The following CRYBG3 variants were observed in gnomAD, a reference collection of about 807,000 sequenced individuals.
CRYBG3 encodes crystallin beta-gamma domain containing 3.
In CRYBG3, 127 loss-of-function variants were observed where a neutral mutation model predicts 244.2. The ratio of observed to expected loss-of-function variants is 0.52; its 90% confidence interval spans 0.45 to 0.60. The LOEUF is 0.60. Ranked by LOEUF, CRYBG3 falls within the 20% of genes least tolerant of loss-of-function variation. The pLI is 0.00. For synonymous variants in CRYBG3, 1,132 were observed against 1,195.8 expected, an observed-to-expected ratio of 0.95 and a Z score of 1.10; for missense variants, 3,325 against 3,442.5, an observed-to-expected ratio of 0.97 and a Z score of 0.85.
At chr3:97,879,244 G>C (rs1412430292) in intron 4 of CRYBG3, among the ~76,000 whole-genome samples, 2 of 152,058 alleles carry the variant, frequency 1.3e-5, no homozygotes, top group Non-Finnish European at 2.9e-5. Context: ...CCCCAGGATG[G>C]TTCTCTTCCT....
rs374434701 is a variant in CRYBG3 at position 97,835,801 on chromosome 3, A to G, written c.150-7394A>G. On this transcript the variant is annotated intron_variant, in intron 1 of 21. Coordinates refer to ENST00000389622, the MANE Select transcript of CRYBG3 (RefSeq NM_153605.4). ...TCTCCAGTGCGCTGTCTTCAGGACA[A>G]TTTGTTGAATGATATGTGAATGAAT... Among the ~76,000 whole-genome samples, 8 of 152,120 alleles carry G rather than the reference A, an allele frequency of 5.3e-5. No individual in the cohort carries two copies. In the East Asian group the frequency reaches 7.8e-4, roughly 15 times the overall value.
At chr3:97,867,571 G>A (rs1041014727) in intron 3 of CRYBG3, among the ~76,000 whole-genome samples, 1 of 152,058 alleles carries the variant, frequency 6.6e-6, no homozygotes, top group Non-Finnish European at 1.5e-5. Flanking sequence ...ATTATGTATT[G>A]GGCTAAAATC....
intron 1 of CRYBG3, among the ~76,000 whole-genome samples, chr3:97,841,220 A>G (rs1183705965): frequency 1.3e-5 from 2 of 150,442 alleles, no homozygotes; most frequent in Non-Finnish European, 3.0e-5. Context: ...GTATATATGT[A>G]TATGTATATA....
At chr3:97,908,013 T>C (rs1348895700) in intron 15 of CRYBG3, among the ~76,000 whole-genome samples, 1 of 152,204 alleles carries the variant, frequency 6.6e-6, no homozygotes, top group Admixed American at 6.5e-5. Context: ...TACCCAGTAG[T>C]CATTCAGGAG....
intron 11 of CRYBG3, among the ~76,000 whole-genome samples, chr3:97,895,699 C>T (rs1219846003): frequency 1.3e-5 from 2 of 152,178 alleles, no homozygotes; most frequent in African/African-American, 4.8e-5. Context: ...AGTATCAAGT[C>T]ACACCACAAA....
rs1559737793 is a variant in CRYBG3 at position 97,900,406 on chromosome 3, CAG to C, written c.7972-45_7972-44del. On this transcript the variant is annotated intron_variant, in intron 14 of 21. Transcript: ENST00000389622. ...GGTATTTTCAAAACTTTCAAAAAGACAGATTATGTGATTACAATTTTGAAAAT... is the reference window on the plus strand; with the variant it reads ...GGTATTTTCAAAACTTTCAAAAAGACATTATGTGATTACAATTTTGAAAAT... 3 of 1,294,076 alleles carry C rather than the reference CAG, an allele frequency of 2.3e-6. No individual in the cohort carries two copies. The Middle Eastern group carries it at 5.6e-4, about 243-fold the overall frequency. 80.2% of individuals were successfully genotyped at this position (1,294,076 alleles called of 1,614,324 possible). A position where few individuals can be genotyped will look rare whatever the true frequency, so the allele number is the denominator to read the frequency against.
rs1019894204 is a variant in CRYBG3, at chr3:97,822,256, G to T, written c.50G>T (p.Arg17Leu). Reference protein sequence around the residue: ...RGSAPWHSFSRFFAPRSPSRD... With the variant: ...RGSAPWHSFSLFFAPRSPSRD... ...AGCGCCCCCTGGCACAGCTTCTCCC[G>T]GTTCTTCGCTCCCCGAAGTCCTTCC... Residue 17 changes from arginine (R) to leucine (L), a missense_variant, in exon 1 of 22, where the codon CGG (arginine) becomes CTG (leucine). Transcript: ENST00000389622. The T allele has an allele frequency of 1.3e-6, 2 of 1,530,856 alleles. No homozygotes were observed. Among genetic ancestry groups the T allele is most frequent in the Non-Finnish European group, 1.7e-6 (2 of 1,144,852 alleles). 94.8% of individuals were successfully genotyped at this position (1,530,856 alleles called of 1,614,324 possible).
chr3:97,937,965 C>A (rs2040182706), intron 19 of CRYBG3, among the ~76,000 whole-genome samples: 1 of 151,996 alleles, frequency 6.6e-6, no homozygotes, highest in African/African-American at 2.4e-5. Flanking sequence ...TATCCAAAAG[C>A]CACAGGCAGT....
chr3:97,942,299 C>A lies in CRYBG3; in HGVS notation c.8680C>A (p.Leu2894Ile), dbSNP rs2040248824. 1 of 1,610,198 alleles carries A rather than the reference C, an allele frequency of 6.2e-7. No homozygotes were observed. The highest frequency in any genetic ancestry group is 8.5e-7 in the Non-Finnish European group (1 of 1,177,774). ...ACCCTTTTAGGCCAGTGATACATGT[C>A]TTGATGTGATTGGTGGCCGGGACAC... ...LFKSKASDTCLDVIGGRDTPG... is the reference protein window; with the variant it reads ...LFKSKASDTCIDVIGGRDTPG... The change falls in exon 21 of 22, where the codon CTT becomes ATT. Residue 2894 changes from leucine (L) to isoleucine (I), a missense_variant. By Grantham distance (5) the Leu-to-Ile change is conservative (BLOSUM62 2). Transcript: ENST00000389622.
chr3:97,901,137 A>C (rs2108240973), intron 15 of CRYBG3, among the ~76,000 whole-genome samples: 1 of 152,348 alleles, frequency 6.6e-6, no homozygotes, highest in South Asian at 2.1e-4. Flanking sequence ...AAGTAGCAAA[A>C]GAGACATTTC....
At chr3:97,881,246 T>G in intron 7 of CRYBG3, 27 bp downstream of exon 7, 2 of 1,474,420 alleles carry the variant, frequency 1.4e-6, no homozygotes, top group East Asian at 4.7e-5. Context: ...TTTCTATTTT[T>G]TATTTGATTT....
chr3:97,892,924 C>G lies in CRYBG3; in HGVS notation c.7505C>G (p.Ser2502Cys). Residue 2502 changes from serine (S) to cysteine (C), a missense_variant, in exon 11 of 22, where the codon TCT (serine) becomes TGT (cysteine). By Grantham distance (112) the Ser-to-Cys change is moderately radical. Transcript: ENST00000389622. ...AAAGAGTTTAGTGAACATATAGATT[C>G]TGTTCCTAATTTTTTGAAAAATAAT... ...QAKEFSEHID[S>C]VPNFLKNNGD... The G allele has an allele frequency of 1.3e-6, 2 of 1,586,898 alleles. No homozygotes were observed. The highest frequency in any genetic ancestry group is 1.7e-6 in the Non-Finnish European group (2 of 1,160,506).
At chr3:97,825,846 C>G (rs2038569989) in intron 1 of CRYBG3, among the ~76,000 whole-genome samples, 2 of 152,162 alleles carry the variant, frequency 1.3e-5, no homozygotes, top group Non-Finnish European at 2.9e-5. Flanking sequence ...CTTCTGATGA[C>G]CAGCATGGGA....
At chr3:97,833,159 T>G (rs1232445251) in intron 1 of CRYBG3, among the ~76,000 whole-genome samples, 1 of 152,172 alleles carries the variant, frequency 6.6e-6, no homozygotes, top group Non-Finnish European at 1.5e-5. Flanking sequence ...GTGTGGCGAT[T>G]CCTCAAGGAC....
chr3:97,920,844 A>T (rs749295358), intron 17 of CRYBG3, among the ~76,000 whole-genome samples: 6 of 152,056 alleles, frequency 3.9e-5, no homozygotes, highest in Non-Finnish European at 8.8e-5. Context: ...GATATGTCTT[A>T]AGCTTTTCCT....
At chr3:97,924,354 G>A (rs956113639) in intron 17 of CRYBG3, 1 of 442,004 alleles carries the variant, frequency 2.3e-6, no homozygotes, top group Non-Finnish European at 4.5e-6. Context: ...CTACCCTGAT[G>A]ATACTGCAGT....
intron 17 of CRYBG3, among the ~76,000 whole-genome samples, chr3:97,922,670 T>C (rs1207467067): frequency 6.6e-6 from 1 of 152,112 alleles, no homozygotes; most frequent in Non-Finnish European, 1.5e-5. Flanking sequence ...ATGACGATCA[T>C]TAAAAAGTCA....
At chr3:97,880,515 G>A (rs1271430297) in intron 6 of CRYBG3, among the ~76,000 whole-genome samples, 2 of 152,328 alleles carry the variant, frequency 1.3e-5, no homozygotes, top group East Asian at 3.9e-4. Flanking sequence ...CTCAAGAAGT[G>A]AAGGAATCTT....
At chr3:97,841,679 T>G (rs1010488062) in intron 1 of CRYBG3, among the ~76,000 whole-genome samples, 1 of 152,080 alleles carries the variant, frequency 6.6e-6, no homozygotes, top group Non-Finnish European at 1.5e-5. Context: ...CCACCACCAG[T>G]GACCACTATT....
Sources: allele counts gnomAD v4.1 joint callset (sites outside exome capture counted in the v4.1 genomes callset), GRCh38; gene constraint gnomAD v4.1.1; transcripts MANE v1.5; gene names NCBI Gene and HGNC (gene_info 2026-07-23, HGNC 2026-07-21).